The following MAPK10 variants were observed in gnomAD, a reference collection of about 807,000 sequenced individuals.
MAPK10 encodes the protein JNK3 alpha protein kinase.
In MAPK10, 25 loss-of-function variants were observed where a neutral mutation model predicts 59.3. That is an observed-to-expected ratio of 0.42 (90% CI 0.31 to 0.59). The LOEUF (loss-of-function observed/expected upper bound fraction) is 0.59. MAPK10 is among the 20% of genes least tolerant of loss of function. MAPK10 has a pLI of 0.15. For missense variants in MAPK10, 351 were observed against 568.9 expected (o/e 0.62, Z 3.90); for synonymous variants, 190 against 200.5 (o/e 0.95, Z 0.44).
intron 11 of MAPK10, among the ~76,000 whole-genome samples, chr4:86,060,919 G>A (rs181808411): frequency 9.2e-5 from 14 of 152,106 alleles, no homozygotes; most frequent in Admixed American, 6.5e-4. Flanking sequence ...TTCACCAGAC[G>A]CATATATCTT....
intron 4 of MAPK10, among the ~76,000 whole-genome samples, chr4:86,126,192 G>A (rs1223230521): frequency 6.6e-6 from 1 of 152,014 alleles, no homozygotes; most frequent in Admixed American, 6.6e-5. Flanking sequence ...ATATATTTTA[G>A]CTATTTTGTA....
Position 86,366,263 on chromosome 4 carries a change from T to G in MAPK10, c.-121-11619A>C, listed in dbSNP as rs543360083. ...GGAGGAGGCAAACAGTCAAGGACCA[T>G]GTTGATAGCAAGAGGGAAATTTCTA... On this transcript the variant is annotated intron_variant, in intron 1 of 13. Coordinates refer to the MAPK10 transcript ENST00000361569. Among the ~76,000 whole-genome samples, 9 of 152,206 alleles carry G rather than the reference T, an allele frequency of 5.9e-5. No individual in the cohort carries two copies. In the East Asian group the frequency reaches 1.7e-3, roughly 29 times the overall value.
At chr4:86,192,989 C>T (rs796480393) in intron 3 of MAPK10, 13 of 152,252 alleles carry the variant, frequency 8.5e-5, no homozygotes, top group African/African-American at 2.2e-4. Context: ...GATGTTGATG[C>T]TATTCCTTTC....
At chr4:86,372,557 AAAGAAAG>A (rs1261538638) in intron 1 of MAPK10, among the ~76,000 whole-genome samples, 169 of 19,588 alleles carry the variant, frequency 8.6e-3, no homozygotes, top group African/African-American at 0.015. Context: ...AGAAAGAAAG[AAAGAAAG>A]AAAGAAAAGA....
chr4:86,075,893 A>G (rs1010481495), intron 9 of MAPK10, among the ~76,000 whole-genome samples: 1 of 152,130 alleles, frequency 6.6e-6, no homozygotes, highest in Non-Finnish European at 1.5e-5. Context: ...AGTGGCAGGC[A>G]GGCCTCCTTG....
chr4:86,442,422 C>T (rs967393095), intron 1 of MAPK10, among the ~76,000 whole-genome samples: 2 of 152,166 alleles, frequency 1.3e-5, no homozygotes, highest in Admixed American at 1.3e-4. Context: ...GGTTAATTAG[C>T]TTTCCTAAGG....
At chr4:86,051,850 GAAAC>G (rs1384819289) in intron 11 of MAPK10, among the ~76,000 whole-genome samples, 3 of 151,992 alleles carry the variant, frequency 2.0e-5, no homozygotes, top group African/African-American at 7.2e-5. Flanking sequence ...CATGGACAAA[GAAAC>G]AAACAAAAAT....
intron 1 of MAPK10, among the ~76,000 whole-genome samples, chr4:86,539,045 A>T (rs951887676): frequency 6.6e-6 from 1 of 152,184 alleles, no homozygotes; most frequent in African/African-American, 2.4e-5. Context: ...AATCCCCATC[A>T]GTGTTGTAGT....
intron 2 of MAPK10, among the ~76,000 whole-genome samples, chr4:86,350,465 C>T (rs1299553462): frequency 6.6e-6 from 1 of 152,122 alleles, no homozygotes; most frequent in Admixed American, 6.5e-5. Flanking sequence ...CCGCCCACCT[C>T]GGCCTCCCAA....
intron 2 of MAPK10, among the ~76,000 whole-genome samples, chr4:86,309,713 G>A (rs547202154): frequency 8.5e-5 from 13 of 152,190 alleles, no homozygotes; most frequent in Non-Finnish European, 1.5e-4. Flanking sequence ...TTCACAAAAC[G>A]GACATAATAA....
chr4:86,327,648 T>C (rs1312388990), intron 2 of MAPK10: 2 of 151,836 alleles, frequency 1.3e-5, no homozygotes, highest in Non-Finnish European at 2.9e-5. Context: ...ACATTTTAAA[T>C]ATTATTTCTG....
At chr4:86,506,202 T>C (rs1371012363) in intron 1 of MAPK10, among the ~76,000 whole-genome samples, 1 of 152,172 alleles carries the variant, frequency 6.6e-6, no homozygotes, top group African/African-American at 2.4e-5. Context: ...AAATTAATTC[T>C]GAACATAATA....
chr4:86,228,961 A>G lies in MAPK10; in HGVS notation c.-6-34554T>C, dbSNP rs115532204. Among the ~76,000 whole-genome samples, 937 of 152,314 alleles carry G rather than the reference A, an allele frequency of 6.2e-3. 5 individuals are homozygous for G. The highest frequency in any genetic ancestry group is 0.021 in the African/African-American group (878 of 41,578). On this transcript the variant is annotated intron_variant, in intron 2 of 13. Coordinates refer to ENST00000641462, the MANE Select transcript of MAPK10 (RefSeq NM_138982.4). ...TATGCATAGTTCAAAACATAGCAAC[A>G]TTCACTTATAGTTCTACAAGTCTCT...
At chr4:86,241,114 T>C (rs2092696466) in intron 2 of MAPK10, among the ~76,000 whole-genome samples, 1 of 152,208 alleles carries the variant, frequency 6.6e-6, no homozygotes. Context: ...TGGCTGGATA[T>C]GAAATTCTGG....
In MAPK10 at chr4:86,118,279, G is replaced by T. The variant is rs114669860; in HGVS notation, c.237-10927C>A. On this transcript the variant is annotated intron_variant, in intron 4 of 13. Coordinates refer to ENST00000641462, the MANE Select transcript of MAPK10 (RefSeq NM_138982.4). ...ACTCTTGAGTCATCTATTTTTCCAA[G>T]AATCTTGGCCTGTGGAATCTTACTT... Among the ~76,000 whole-genome samples the T allele has an allele frequency of 3.5e-3, 537 of 152,226 alleles. 1 individual carries two copies. Among genetic ancestry groups the T allele is most frequent in the Non-Finnish European group, 5.1e-3 (349 of 68,008 alleles).
At chr4:86,162,381 TCTAA>T (rs1562505338) in intron 3 of MAPK10, among the ~76,000 whole-genome samples, 2 of 151,984 alleles carry the variant, frequency 1.3e-5, no homozygotes, top group African/African-American at 4.8e-5. Flanking sequence ...AGGATGATTA[TCTAA>T]CTATTTTGAG....
intron 4 of MAPK10, among the ~76,000 whole-genome samples, chr4:86,155,189 C>CT (rs954313802): frequency 2.6e-4 from 39 of 151,688 alleles, no homozygotes; most frequent in Admixed American, 9.2e-4. Context: ...AAAGGGAGAA[C>CT]TTTTTTTCAA....
chr4:86,360,102 A>G (rs945021021), upstream of MAPK10: 2 of 985,748 alleles, frequency 2.0e-6, no homozygotes, highest in East Asian at 2.3e-4. Flanking sequence ...TGGGGTTGCT[A>G]TGGCAACCGA....
intron 1 of MAPK10, among the ~76,000 whole-genome samples, chr4:86,460,746 G>A (rs966636051): frequency 6.6e-6 from 1 of 152,214 alleles, no homozygotes; most frequent in Non-Finnish European, 1.5e-5. Flanking sequence ...GGTTCCTTAA[G>A]GACATGTTCC....
Sources: gnomAD v4.1 joint callset for allele counts (sites outside exome capture counted in the v4.1 genomes callset) on GRCh38, gnomAD v4.1.1 for gene constraint, MANE v1.5 for transcripts, NCBI Gene and HGNC (gene_info 2026-07-23, HGNC 2026-07-21) for gene names.